Variants in PCDHGA9 observed in about 807,000 individuals in gnomAD.
PCDHGA9 encodes the protein protocadherin gamma-A9.
PCDHGA9 carries 37 observed loss-of-function variants against 62.5 expected under a neutral mutation model. The observed-to-expected ratio is 0.59, with a 90% CI of 0.46 to 0.78. PCDHGA9 has a LOEUF of 0.78. Ranked by LOEUF, PCDHGA9 falls within the 30% of genes least tolerant of loss-of-function variation. PCDHGA9 has a pLI of 0.00. For synonymous variants in PCDHGA9, 459 were observed against 484.6 expected, an observed-to-expected ratio of 0.95 and a Z score of 0.69; for missense variants, 1,138 against 1,166.2, an observed-to-expected ratio of 0.98 and a Z score of 0.35.
At chr5:141,468,953 T>G (rs182999574) in intron 1 of PCDHGA9, among the ~76,000 whole-genome samples, 1,938 of 89,156 alleles carry the variant, frequency 0.022, 22 homozygotes, top group Non-Finnish European at 0.033. Flanking sequence ...AAACCTGTGG[T>G]TTTTTTTACC....
rs1253223100 is a variant in PCDHGA9 at position 141,493,049 on chromosome 5, T to C, written c.2425-1758T>C. Among the ~76,000 whole-genome samples the C allele has an allele frequency of 6.6e-6, 1 of 152,188 alleles. No homozygotes were observed. Among genetic ancestry groups the C allele is most frequent in the Non-Finnish European group, 1.5e-5 (1 of 68,032 alleles). Reference sequence around the variant, plus strand: ...GCCCTTATGTGTGAGGAAACTACAATAGTAAAAAACACAAGTTTCTCCAAC... The same window carrying C: ...GCCCTTATGTGTGAGGAAACTACAACAGTAAAAAACACAAGTTTCTCCAAC... On this transcript the variant is annotated intron_variant, in intron 1 of 3. Transcript: ENST00000573521. This position sits in a 1 kb window ranked among gnomAD's most constrained non-coding sequence, Gnocchi z 4.3.
intron 1 of PCDHGA9, among the ~76,000 whole-genome samples, chr5:141,435,445 C>T (rs190910353): frequency 3.9e-5 from 6 of 152,224 alleles, no homozygotes; most frequent in Middle Eastern, 3.4e-3. Flanking sequence ...TTCATTAATA[C>T]GATATCTGTA....
intron 1 of PCDHGA9, among the ~76,000 whole-genome samples, chr5:141,448,768 G>T (rs544426582): frequency 2.6e-5 from 4 of 151,750 alleles, no homozygotes; most frequent in Non-Finnish European, 4.4e-5. Context: ...GTGAAACCCC[G>T]TCTGTACTAA....
At chr5:141,418,441 A>T in intron 1 of PCDHGA9, 2 of 1,614,000 alleles carry the variant, frequency 1.2e-6, no homozygotes, top group East Asian at 4.5e-5. Flanking sequence ...ATCCAGAATT[A>T]GTATTGCAGA....
intron 1 of PCDHGA9, chr5:141,428,441 G>C: frequency 2.6e-6 from 1 of 389,280 alleles, no homozygotes; most frequent in Non-Finnish European, 4.9e-6. Context: ...ACTAGACCAG[G>C]GGTTTTTCCC....
At chr5:141,488,183 T>C (rs1249953031) in intron 1 of PCDHGA9, among the ~76,000 whole-genome samples, 1 of 152,148 alleles carries the variant, frequency 6.6e-6, no homozygotes, top group Non-Finnish European at 1.5e-5. Flanking sequence ...CATAGATCTT[T>C]TGGTCTGGGT....
At position 141,432,540 on chromosome 5, in the gene PCDHGA9, T is replaced by A. The variant is rs147884705; in HGVS notation, c.2424+27164T>A. 7.6e-4 allele frequency: 1,222 copies of A among 1,613,608 alleles called. 1 individual carries two copies. The highest frequency in any genetic ancestry group is 1.1e-3 in the Admixed American group (64 of 59,988). ...TACCTGGTGACCAAGGTGGTGGCGG[T>A]GGACAGAGACTCCGGCCAGAACGCC... On this transcript the variant is annotated intron_variant, in intron 1 of 3. Transcript: ENST00000573521. This position sits in a 1 kb window ranked among gnomAD's most constrained non-coding sequence, Gnocchi z 6.0.
chr5:141,469,128 T>C (rs567164869), intron 1 of PCDHGA9, among the ~76,000 whole-genome samples: 1 of 151,692 alleles, frequency 6.6e-6, no homozygotes, highest in East Asian at 1.9e-4. Context: ...ATTTAAAAAT[T>C]AGCCAGAAAT....
chr5:141,505,026 G>T (rs190826538), intron 2 of PCDHGA9, among the ~76,000 whole-genome samples: 1 of 152,198 alleles, frequency 6.6e-6, no homozygotes, highest in South Asian at 2.1e-4. Context: ...GCCTGGCACA[G>T]TGGCAGGTGC....
chr5:141,495,900 G>A (rs1403705200), intron 2 of PCDHGA9, among the ~76,000 whole-genome samples: 2 of 151,894 alleles, frequency 1.3e-5, no homozygotes, highest in East Asian at 1.9e-4. Context: ...CTTTGTCTCT[G>A]TCTCTGTATA....
chr5:141,439,455 C>T (rs62379163), intron 1 of PCDHGA9, among the ~76,000 whole-genome samples: 5,115 of 152,308 alleles, frequency 0.034, 100 homozygotes, highest in Middle Eastern at 0.088. Context: ...GGGAGCAAGA[C>T]TGCACTGCTG....
intron 3 of PCDHGA9, among the ~76,000 whole-genome samples, chr5:141,508,533 C>A (rs1396219805): frequency 6.6e-6 from 1 of 152,160 alleles, no homozygotes; most frequent in Non-Finnish European, 1.5e-5. Flanking sequence ...CAGGGCACCC[C>A]CCACGAGGTG....
intron 1 of PCDHGA9, among the ~76,000 whole-genome samples, chr5:141,479,077 A>G (rs1393042749): frequency 6.6e-6 from 1 of 152,224 alleles, no homozygotes; most frequent in Non-Finnish European, 1.5e-5. Context: ...ATGAAATGAA[A>G]TTCCAGGCAT....
intron 1 of PCDHGA9, among the ~76,000 whole-genome samples, chr5:141,406,621 A>G (rs2094831746): frequency 6.6e-6 from 1 of 152,172 alleles, no homozygotes; most frequent in African/African-American, 2.4e-5. Flanking sequence ...TTTTATTCTC[A>G]TATCTTCAAA....
In PCDHGA9 at chr5:141,477,551, C is replaced by T. The variant is rs372055994; in HGVS notation, c.2425-17256C>T. ...CCTCCCCGGGGCTCCAATACTAAAC[C>T]TAAGTGTCTGGGACCCCGACGCCCC... On this transcript the variant is annotated intron_variant, in intron 1 of 3. Coordinates refer to ENST00000573521, the MANE Select transcript of PCDHGA9 (RefSeq NM_018921.3). The surrounding 1 kb of genome is among the most constrained non-coding windows in gnomAD (Gnocchi z 4.9). The T allele has an allele frequency of 8.1e-6, 13 of 1,614,060 alleles. No homozygotes were observed. Among genetic ancestry groups the T allele is most frequent in the Non-Finnish European group, 1.0e-5 (12 of 1,180,042 alleles).
rs112156044 is a variant in PCDHGA9, at chr5:141,476,771, G to T, written c.2425-18036G>T. ...CCAGTTAGTGCTGACGGCGTTGGAC[G>T]GAGGGACCCCAGCTCTCTCCGCCAG... On this transcript the variant is annotated intron_variant, in intron 1 of 3. Coordinates refer to ENST00000573521, the MANE Select transcript of PCDHGA9 (RefSeq NM_018921.3). The surrounding 1 kb of genome is among the most constrained non-coding windows in gnomAD (Gnocchi z 7.6). The T allele has an allele frequency of 6.2e-7, 1 of 1,613,700 alleles. No homozygotes were observed. The highest frequency in any genetic ancestry group is 1.1e-5 in the South Asian group (1 of 91,084).
Position 141,421,812 on chromosome 5 carries a change from A to G in PCDHGA9, c.2424+16436A>G, listed in dbSNP as rs779804436. On this transcript the variant is annotated intron_variant, in intron 1 of 3. Transcript: ENST00000573521. ...CGGATGGGGCCAAGAATCCAGAGCTAGTACTGGAGGGAAGCCTGGACCGAG... is the reference window on the plus strand; with the variant it reads ...CGGATGGGGCCAAGAATCCAGAGCTGGTACTGGAGGGAAGCCTGGACCGAG... 9.9e-6 allele frequency: 16 copies of G among 1,613,704 alleles called. 1 individual carries two copies. In the South Asian group the frequency reaches 1.5e-4, roughly 16 times the overall value.
chr5:141,427,428 T>A (rs1489623330), intron 1 of PCDHGA9: 1 of 470,472 alleles, frequency 2.1e-6, no homozygotes. Context: ...GGAGGTTACA[T>A]GCCTCATAAA....
chr5:141,410,835 T>C (rs1360836957), intron 1 of PCDHGA9: 2 of 490,228 alleles, frequency 4.1e-6, no homozygotes, highest in Admixed American at 4.0e-5. Context: ...AGACTGAAGA[T>C]ATTTTGTCTT....
Sources: allele counts gnomAD v4.1 joint callset (sites outside exome capture counted in the v4.1 genomes callset), GRCh38; gene constraint gnomAD v4.1.1; non-coding constraint Gnocchi (gnomAD v3.1); transcripts MANE v1.5; gene names NCBI Gene and HGNC (gene_info 2026-07-23, HGNC 2026-07-21).